Variants in ZC3HC1 observed in about 807,000 individuals in gnomAD.
ZC3HC1 encodes the protein zinc finger C3HC-type protein 1.
In ZC3HC1, 38 loss-of-function variants were observed where a neutral mutation model predicts 61.9. That is an observed-to-expected ratio of 0.61 (90% CI 0.47 to 0.81). The LOEUF is 0.81. Among genes scored for constraint, ZC3HC1 ranks in the 30% least tolerant of loss-of-function variants. The probability of loss-of-function intolerance (pLI) is 0.00; values close to 1 mark genes in which losing one functional copy is unlikely to be tolerated. For synonymous variants in ZC3HC1, 213 were observed against 229.9 expected, an observed-to-expected ratio of 0.93 and a Z score of 0.67; for missense variants, 554 against 622.7, an observed-to-expected ratio of 0.89 and a Z score of 1.17.
At chr7:130,039,932 C>T (rs1794579790) in intron 3 of ZC3HC1, among the ~76,000 whole-genome samples, 1 of 151,088 alleles carries the variant, frequency 6.6e-6, no homozygotes, top group African/African-American at 2.4e-5. Context: ...GTTAGTCAGG[C>T]TGGTCTCAAA....
chr7:130,024,239 A>T (rs746694728), intron 7 of ZC3HC1, 24 bp downstream of exon 7: 5 of 1,553,132 alleles, frequency 3.2e-6, no homozygotes, highest in Non-Finnish European at 4.3e-6. Context: ...TTAAAATTCC[A>T]CCCCAAATAA....
At chr7:130,022,959 T>C (rs1044898085) in intron 8 of ZC3HC1, 19 of 205,074 alleles carry the variant, frequency 9.3e-5, no homozygotes, top group African/African-American at 4.6e-4. Context: ...GACTTCGGGC[T>C]CCTTATGAGA....
intron 4 of ZC3HC1, among the ~76,000 whole-genome samples, chr7:130,038,576 T>C (rs887666094): frequency 6.6e-6 from 1 of 152,102 alleles, no homozygotes; most frequent in African/African-American, 2.4e-5. Context: ...AACTGGGTTA[T>C]GGCCGGGCAC....
intron 4 of ZC3HC1, among the ~76,000 whole-genome samples, chr7:130,035,209 G>A (rs1794381877): frequency 6.6e-6 from 1 of 151,990 alleles, no homozygotes; most frequent in African/African-American, 2.4e-5. Flanking sequence ...GGCTAATATG[G>A]TGAAACCCCG....
In ZC3HC1 at chr7:130,022,575, T is replaced by C. The variant is rs1793697796; in HGVS notation, c.1234-50A>G. On this transcript the variant is annotated intron_variant, in intron 8 of 9. Transcript: ENST00000358303. ...CATTCATAGGTAGATGCTATGTAAG[T>C]TCAGGGAGGCACTGCTGTTAGTTAT... 4 of 1,593,062 alleles carry C rather than the reference T, an allele frequency of 2.5e-6. No individual in the cohort carries two copies. The South Asian group carries it at 4.5e-5, about 18-fold the overall frequency.
At chr7:130,048,717 T>C (rs1290367163) in intron 2 of ZC3HC1, among the ~76,000 whole-genome samples, 1 of 152,188 alleles carries the variant, frequency 6.6e-6, no homozygotes, top group African/African-American at 2.4e-5. Context: ...AAAACAAGTA[T>C]AATAATAATG....
At position 130,018,536 on chromosome 7, in the gene ZC3HC1, C is replaced by G. The variant is rs1163932042; in HGVS notation, c.*128G>C. Reference sequence around the variant, plus strand: ...TTGACACTCACTGCCTTTGCTATGGCAGGGGGCTCCTTATGATTAACCCAG... The same window carrying G: ...TTGACACTCACTGCCTTTGCTATGGGAGGGGGCTCCTTATGATTAACCCAG... On this transcript the variant is annotated 3_prime_UTR_variant, in exon 10 of 10. Coordinates refer to ENST00000358303, the MANE Select transcript of ZC3HC1 (RefSeq NM_016478.5). The G allele has an allele frequency of 1.4e-6, 1 of 728,420 alleles. No individual in the cohort carries two copies. The highest frequency in any genetic ancestry group is 2.5e-5 in the East Asian group (1 of 39,752). 45.1% of individuals were successfully genotyped at this position (728,420 alleles called of 1,614,324 possible). A position where few individuals can be genotyped will look rare whatever the true frequency, so the allele number is the denominator to read the frequency against.
intron 4 of ZC3HC1, among the ~76,000 whole-genome samples, chr7:130,035,400 A>C (rs575571049): frequency 2.6e-5 from 4 of 151,934 alleles, no homozygotes; most frequent in East Asian, 1.9e-4. Flanking sequence ...AAAAAAAAAA[A>C]AAAAAAAACA....
intron 9 of ZC3HC1, among the ~76,000 whole-genome samples, chr7:130,019,935 G>A (rs1793564358): frequency 6.7e-6 from 1 of 148,560 alleles, no homozygotes; most frequent in African/African-American, 2.5e-5. Flanking sequence ...TCCTGCCTCA[G>A]CCTCCTGAGT....
chr7:130,030,480 G>GT (rs1009940524), intron 4 of ZC3HC1, among the ~76,000 whole-genome samples: 1 of 151,972 alleles, frequency 6.6e-6, no homozygotes, highest in Non-Finnish European at 1.5e-5. Context: ...GATTACAGGC[G>GT]TAAGTCACCA....
intron 2 of ZC3HC1, 121 bp from the exon 3 acceptor site, chr7:130,041,222 C>G (rs1216467381): frequency 2.6e-6 from 3 of 1,165,818 alleles, no homozygotes; most frequent in Admixed American, 5.7e-5. Context: ...AGTTCTCACT[C>G]TGTCTCCCAG....
At chr7:130,019,592 G>A (rs1260950689) in intron 9 of ZC3HC1, among the ~76,000 whole-genome samples, 3 of 152,252 alleles carry the variant, frequency 2.0e-5, no homozygotes, top group African/African-American at 7.2e-5. Context: ...TGCCAATGAA[G>A]TACTCTGAGA....
chr7:130,050,400 T>A lies in ZC3HC1; in HGVS notation c.146+821A>T. ...GCGACAGGCATTATTTTAATAAAAATAGGATTACATCAACGATTATAGCTC... is the reference window on the plus strand; with the variant it reads ...GCGACAGGCATTATTTTAATAAAAAAAGGATTACATCAACGATTATAGCTC... On this transcript the variant is annotated intron_variant, in intron 1 of 9. Transcript: ENST00000358303. 3 of 1,532,188 alleles carry A rather than the reference T, an allele frequency of 2.0e-6. No homozygotes were observed. In the East Asian group the frequency reaches 7.4e-5, roughly 38 times the overall value. 94.9% of individuals were successfully genotyped at this position (1,532,188 alleles called of 1,614,324 possible).
chr7:130,034,218 G>A (rs1427342597), intron 4 of ZC3HC1, among the ~76,000 whole-genome samples: 1 of 147,640 alleles, frequency 6.8e-6, no homozygotes, highest in African/African-American at 2.5e-5. Flanking sequence ...GGGCATTTTG[G>A]CTCAAGCCTG....
rs549324240 is a variant in ZC3HC1 at position 130,024,217 on chromosome 7, C to T, written c.1020+46G>A. On this transcript the variant is annotated intron_variant, in intron 7 of 9. Coordinates refer to ENST00000358303, the MANE Select transcript of ZC3HC1 (RefSeq NM_016478.5). ...AACTTTCTACCAACAACACTTTTGC[C>T]AAGAATGTTGTTTAAAATTCCACCC... 1.9e-6 allele frequency: 3 copies of T among 1,540,706 alleles called. No homozygotes were observed. In the South Asian group the frequency reaches 3.8e-5, roughly 19 times the overall value.
chr7:130,022,177 A>C, intron 9 of ZC3HC1, 142 bp downstream of exon 9: 3 of 1,091,894 alleles, frequency 2.7e-6, no homozygotes, highest in Non-Finnish European at 4.0e-6. Context: ...ATCTCAAAAA[A>C]CAAACAAACA....
Position 130,034,358 on chromosome 7 carries a change from G to A in ZC3HC1, c.493+5106C>T, listed in dbSNP as rs546695181. On this transcript the variant is annotated intron_variant, in intron 4 of 9. Transcript: ENST00000358303. The stretch of plus-strand genomic sequence containing the variant: ...AAATTAGCCGGGTGTGGTGGCGGGC[G>A]CCTGTAGTCCCAGCTACTGGGTTGG... Among the ~76,000 whole-genome samples the A allele has an allele frequency of 9.8e-4, 149 of 151,560 alleles. 2 individuals carry two copies. The highest frequency in any genetic ancestry group is 3.5e-3 in the African/African-American group (146 of 41,392).
In ZC3HC1 at chr7:130,024,383, C is replaced by A; in HGVS notation, c.900G>T (p.Leu300=). ...CAAGGCCTGGGATTGGGGAGCTGGT[C>A]AGGCCAAAGGATGCATCCAGGTCAG... ...SMTDLDASFG[L]TSSPIPGLEG... is the part of the protein sequence containing the mutation. Residue 300 remains leucine (L), a synonymous_variant, in exon 7 of 10, where the codon CTG becomes CTT. Coordinates refer to ENST00000358303, the MANE Select transcript of ZC3HC1 (RefSeq NM_016478.5). The A allele has an allele frequency of 6.2e-7, 1 of 1,614,082 alleles. No homozygotes were observed. Among genetic ancestry groups the A allele is most frequent in the South Asian group, 1.1e-5 (1 of 91,066 alleles).
At chr7:130,050,409 A>T (rs13247296) in intron 1 of ZC3HC1, 1 of 1,533,716 alleles carries the variant, frequency 6.5e-7, no homozygotes, top group Non-Finnish European at 8.7e-7. Flanking sequence ...ATAGGATTAC[A>T]TCAACGATTA....
Sources: gnomAD v4.1 joint callset for allele counts (sites outside exome capture counted in the v4.1 genomes callset) on GRCh38, gnomAD v4.1.1 for gene constraint, MANE v1.5 for transcripts, NCBI Gene and HGNC (gene_info 2026-07-23, HGNC 2026-07-21) for gene names.